PHF14: variants seen among roughly 807,000 people sequenced by gnomAD.
PHF14 encodes the protein PHD finger protein 14.
Under a neutral mutation model 117.9 loss-of-function variants are expected in PHF14, and 55 were observed. The observed-to-expected ratio is 0.47, with a 90% CI of 0.38 to 0.58. PHF14 has a LOEUF of 0.58. Among genes scored for constraint, PHF14 ranks in the 20% least tolerant of loss-of-function variants. The probability of loss-of-function intolerance (pLI) is 0.00; values close to 1 mark genes in which losing one functional copy is unlikely to be tolerated. For missense variants in PHF14, 978 were observed against 1,122.2 expected (o/e 0.87, Z 1.84); for synonymous variants, 409 against 368.6 (o/e 1.11, Z -1.26).
Position 11,108,028 on chromosome 7 carries a change from G to A in PHF14, c.2655-3322G>A, listed in dbSNP as rs561095210. ...GACAGGATTTGATGAAGATTACAAA[G>A]TGGTATTTGTGTGTAAAATTAATAA... On this transcript the variant is annotated intron_variant, in intron 16 of 17. Coordinates refer to ENST00000634607, the MANE Select transcript of PHF14 (RefSeq NM_001007157.2). 3 of 151,734 alleles carry A rather than the reference G, an allele frequency of 2.0e-5. No individual in the cohort carries two copies. In the Admixed American group the frequency reaches 2.0e-4, roughly 10 times the overall value. The allele number at this position is 151,734 out of a possible 1,614,324, so 9.4% of individuals were successfully genotyped here.
intron 17 of PHF14, among the ~76,000 whole-genome samples, chr7:11,124,406 T>C (rs1236890470): frequency 6.6e-6 from 1 of 152,164 alleles, no homozygotes; most frequent in Non-Finnish European, 1.5e-5. Context: ...CAATTTCTTA[T>C]ACAAATATAC....
At chr7:11,114,134 C>G (rs1454153311) in intron 17 of PHF14, among the ~76,000 whole-genome samples, 1 of 152,060 alleles carries the variant, frequency 6.6e-6, no homozygotes, top group Non-Finnish European at 1.5e-5. Context: ...TAAAATGTCT[C>G]CAACTTCTTT....
chr7:10,996,710 A>G (rs1453957715), intron 4 of PHF14, among the ~76,000 whole-genome samples: 1 of 152,214 alleles, frequency 6.6e-6, no homozygotes, highest in East Asian at 1.9e-4. Flanking sequence ...GCTGGGGTTT[A>G]AGTAGGATAG....
At chr7:11,042,110 C>T (rs917579012) in intron 12 of PHF14, among the ~76,000 whole-genome samples, 8 of 151,672 alleles carry the variant, frequency 5.3e-5, no homozygotes, top group African/African-American at 1.2e-4. Flanking sequence ...TTGATGTGTG[C>T]GTTTTTAATT....
At chr7:11,042,584 A>G (rs1477715162) in intron 12 of PHF14, 99 bp from the exon 13 acceptor site, 2 of 752,264 alleles carry the variant, frequency 2.7e-6, no homozygotes, top group Non-Finnish European at 4.1e-6. Context: ...AGTAAGTTAA[A>G]TCAAGATGAA....
chr7:11,116,473 G>A (rs1309347527), intron 17 of PHF14, among the ~76,000 whole-genome samples: 2 of 151,932 alleles, frequency 1.3e-5, no homozygotes, highest in East Asian at 3.9e-4. Flanking sequence ...CATAGACATT[G>A]AAAACTAATT....
intron 17 of PHF14, among the ~76,000 whole-genome samples, chr7:11,147,093 C>G (rs1430120434): frequency 1.3e-5 from 2 of 152,100 alleles, no homozygotes; most frequent in African/African-American, 2.4e-5. Context: ...AGAGATCTGC[C>G]CACCTCGGCT....
chr7:11,059,053 A>T (rs1443890490), intron 14 of PHF14, among the ~76,000 whole-genome samples: 1 of 152,226 alleles, frequency 6.6e-6, no homozygotes, highest in Non-Finnish European at 1.5e-5. Context: ...TATTTTAGAT[A>T]ATTACAAATA....
At chr7:11,038,392 C>T (rs1029231335) in intron 10 of PHF14, among the ~76,000 whole-genome samples, 3 of 147,036 alleles carry the variant, frequency 2.0e-5, no homozygotes, top group African/African-American at 5.1e-5. Flanking sequence ...GATCGTGCTA[C>T]TGCACTCTAG....
chr7:10,988,382 C>G (rs910678378), intron 3 of PHF14, among the ~76,000 whole-genome samples: 70 of 152,172 alleles, frequency 4.6e-4, no homozygotes, highest in African/African-American at 1.7e-3. Flanking sequence ...TTTTTCTGAC[C>G]TTTAGAAATT....
chr7:10,990,669 G>T (rs780155105), intron 3 of PHF14, 34 bp from the exon 4 acceptor site: 3 of 1,301,890 alleles, frequency 2.3e-6, no homozygotes, highest in Non-Finnish European at 3.2e-6. Flanking sequence ...CTTTAAATGT[G>T]ATTTTCTGAT....
chr7:10,991,798 A>G (rs1193198408), intron 4 of PHF14, among the ~76,000 whole-genome samples: 2 of 71,576 alleles, frequency 2.8e-5, no homozygotes, highest in African/African-American at 5.9e-5. Flanking sequence ...GGGTTTTGCT[A>G]TGTTGCCCAG....
intron 15 of PHF14, 29 bp from the exon 16 acceptor site, chr7:11,061,935 G>A: frequency 6.4e-7 from 1 of 1,553,714 alleles, no homozygotes; most frequent in Non-Finnish European, 8.7e-7. Flanking sequence ...TGTTTGTTAT[G>A]TTTTATTTTA....
chr7:11,163,986 A>G (rs1200207198), intron 17 of PHF14, among the ~76,000 whole-genome samples: 1 of 152,212 alleles, frequency 6.6e-6, no homozygotes, highest in African/African-American at 2.4e-5. Flanking sequence ...TTACACTTTT[A>G]AAAGAAACAT....
chr7:11,068,028 C>A (rs1259152284), intron 16 of PHF14, among the ~76,000 whole-genome samples: 1 of 152,106 alleles, frequency 6.6e-6, no homozygotes, highest in African/African-American at 2.4e-5. Context: ...AGCATACATA[C>A]AGTAGAATAT....
intron 17 of PHF14, among the ~76,000 whole-genome samples, chr7:11,141,594 ATAATAGCC>A (rs1321756847): frequency 6.6e-6 from 1 of 152,120 alleles, no homozygotes; most frequent in Non-Finnish European, 1.5e-5. Flanking sequence ...ATTGTGTTAT[ATAATAGCC>A]TAAGTTGCAT....
chr7:10,996,194 C>T (rs1381440948), intron 4 of PHF14, among the ~76,000 whole-genome samples: 1 of 152,176 alleles, frequency 6.6e-6, no homozygotes, highest in Non-Finnish European at 1.5e-5. Context: ...TGGGAGTAGA[C>T]TGAAGTGAAT....
intron 17 of PHF14, among the ~76,000 whole-genome samples, chr7:11,122,019 C>A (rs569056569): frequency 1.3e-5 from 2 of 151,542 alleles, no homozygotes; most frequent in East Asian, 3.9e-4. Context: ...CCTTGCCCTA[C>A]CCCCCGACAG....
intron 5 of PHF14, among the ~76,000 whole-genome samples, chr7:11,015,695 A>G (rs1044422332): frequency 6.6e-6 from 1 of 152,156 alleles, no homozygotes; most frequent in African/African-American, 2.4e-5. Context: ...TTTCTGTAAC[A>G]TAATAAGTGG....
Sources: allele counts gnomAD v4.1 joint callset (sites outside exome capture counted in the v4.1 genomes callset), GRCh38; gene constraint gnomAD v4.1.1; transcripts MANE v1.5; gene names NCBI Gene and HGNC (gene_info 2026-07-23, HGNC 2026-07-21).